IKZF2: variants seen among roughly 807,000 people sequenced by gnomAD.
IKZF2 encodes the protein zinc finger protein Helios.
In IKZF2, 15 loss-of-function variants were observed where a neutral mutation model predicts 49.2. The ratio of observed to expected loss-of-function variants is 0.30; its 90% confidence interval spans 0.20 to 0.47. The LOEUF (loss-of-function observed/expected upper bound fraction) is 0.47. Among genes scored for constraint, IKZF2 ranks in the 20% least tolerant of loss-of-function variants. The pLI, the probability that IKZF2 is intolerant of heterozygous loss-of-function variation, is 1.00. For missense variants in IKZF2, 567 were observed against 664.6 expected (o/e 0.85, Z 1.61); for synonymous variants, 227 against 221.4 (o/e 1.03, Z -0.23).
At chr2:213,150,295 C>CT in intron 1 of IKZF2, 48 bp from the exon 2 acceptor site, 1 of 715,166 alleles carries the variant, frequency 1.4e-6, no homozygotes, top group Non-Finnish European at 2.2e-6. Context: ...GTGTTTCCCC[C>CT]TTCTCTCTTT....
At position 213,063,387 on chromosome 2, in the gene IKZF2, C is replaced by T. The variant is rs557771735; in HGVS notation, c.140-6288G>A. Among the ~76,000 whole-genome samples the T allele has an allele frequency of 2.0e-5, 3 of 152,020 alleles. No homozygotes were observed. In the South Asian group the frequency reaches 6.2e-4, roughly 32 times the overall value. On this transcript the variant is annotated intron_variant, in intron 4 of 8. Coordinates refer to ENST00000434687, the MANE Select transcript of IKZF2 (RefSeq NM_001387220.1). The stretch of plus-strand genomic sequence containing the variant: ...TGAAGGCAGAAAACCAGGGTCTCTA[C>T]CACCTCTTCTGCCATTTAACTTGTT...
At chr2:213,069,422 C>A (rs917317792) in intron 4 of IKZF2, among the ~76,000 whole-genome samples, 2 of 152,104 alleles carry the variant, frequency 1.3e-5, no homozygotes, top group African/African-American at 4.8e-5. Context: ...TTCAGGAGCA[C>A]AAGAATTCCC....
rs1204833549 is a variant in IKZF2 at position 213,005,737 on chromosome 2, C to A, written c.*1623G>T. ...AGTTCTGCCTTCCAAGTATGTCCCC[C>A]TAAAATGACTTGAATCAATATCACT... is the stretch of plus-strand genomic sequence containing the variant. On this transcript the variant is annotated 3_prime_UTR_variant, in exon 9 of 9. Coordinates refer to ENST00000434687, the MANE Select transcript of IKZF2 (RefSeq NM_001387220.1). 6.6e-6 allele frequency: 1 copy of A among 152,036 alleles called. No individual in the cohort carries two copies. The highest frequency in any genetic ancestry group is 1.9e-4 in the East Asian group (1 of 5,164). The allele number at this position is 152,036 out of a possible 1,614,324, so 9.4% of individuals were successfully genotyped here.
Position 213,070,401 on chromosome 2 carries a change from A to G in IKZF2, c.140-13302T>C, listed in dbSNP as rs564028210. Reference sequence around the variant, plus strand: ...TAGAAAACTTAGCTTCTTCCTTTACATATTAAAACTCCTGTTACTACTTAC... The same window carrying G: ...TAGAAAACTTAGCTTCTTCCTTTACGTATTAAAACTCCTGTTACTACTTAC... On this transcript the variant is annotated intron_variant, in intron 4 of 8. Transcript: ENST00000434687. 1.2e-4 allele frequency among the ~76,000 whole-genome samples: 18 copies of G among 152,250 alleles called. No homozygotes were observed. In the South Asian group the frequency reaches 3.5e-3, roughly 30 times the overall value.
At chr2:213,009,913 T>A (rs1319732301) in intron 8 of IKZF2, among the ~76,000 whole-genome samples, 1 of 152,054 alleles carries the variant, frequency 6.6e-6, no homozygotes, top group Non-Finnish European at 1.5e-5. Flanking sequence ...AAAGGAGGAA[T>A]TACTTATACT....
chr2:213,101,761 A>C (rs2125706944), intron 4 of IKZF2, among the ~76,000 whole-genome samples: 1 of 152,326 alleles, frequency 6.6e-6, no homozygotes, highest in Non-Finnish European at 1.5e-5. Context: ...AATATAGTAC[A>C]GCTTGTTCCA....
intron 4 of IKZF2, among the ~76,000 whole-genome samples, chr2:213,068,354 C>T (rs534716590): frequency 5.2e-4 from 79 of 152,128 alleles, no homozygotes; most frequent in African/African-American, 1.8e-3. Context: ...ATCTATGTCA[C>T]CTGGAATTGT....
chr2:213,081,721 GA>G (rs1343301048), intron 4 of IKZF2, among the ~76,000 whole-genome samples: 2 of 152,156 alleles, frequency 1.3e-5, no homozygotes, highest in Non-Finnish European at 2.9e-5. Context: ...CAGTCATGGG[GA>G]AAGTGGGTTT....
intron 6 of IKZF2, among the ~76,000 whole-genome samples, chr2:213,031,015 G>A (rs562787105): frequency 6.5e-4 from 99 of 152,036 alleles, no homozygotes; most frequent in Middle Eastern, 6.8e-3. Context: ...TAGTAGAGAC[G>A]GGGTTTCACC....
At chr2:213,077,043 A>G (rs1356952084) in intron 4 of IKZF2, among the ~76,000 whole-genome samples, 1 of 152,258 alleles carries the variant, frequency 6.6e-6, no homozygotes, top group Non-Finnish European at 1.5e-5. Context: ...CAAGTTTACC[A>G]AAAGGACTGT....
intron 4 of IKZF2, among the ~76,000 whole-genome samples, chr2:213,124,290 A>T (rs979916380): frequency 1.4e-5 from 2 of 145,240 alleles, no homozygotes; most frequent in African/African-American, 2.5e-5. Context: ...ACACACACAC[A>T]CACACACAGC....
At chr2:213,073,702 T>A (rs1428044296) in intron 4 of IKZF2, among the ~76,000 whole-genome samples, 1 of 152,226 alleles carries the variant, frequency 6.6e-6, no homozygotes, top group African/African-American at 2.4e-5. Context: ...TAAAAACTTA[T>A]GAATAACATA....
At chr2:213,074,032 G>A (rs1702984992) in intron 4 of IKZF2, among the ~76,000 whole-genome samples, 1 of 152,020 alleles carries the variant, frequency 6.6e-6, no homozygotes, top group South Asian at 2.1e-4. Flanking sequence ...AATATCCAGA[G>A]CACTGATTTA....
chr2:213,021,694 G>T lies in IKZF2; in HGVS notation c.712+299C>A, dbSNP rs1035117640. ...AATTCATTCTTTTAGGCAGCCTACA[G>T]ACTAATGTGGAATCAGCTCTAACTA... On this transcript the variant is annotated intron_variant, in intron 7 of 8. Coordinates refer to ENST00000434687, the MANE Select transcript of IKZF2 (RefSeq NM_001387220.1). 9 of 480,646 alleles carry T rather than the reference G, an allele frequency of 1.9e-5. No homozygotes were observed. The Admixed American group carries it at 2.2e-4, about 12-fold the overall frequency. 29.8% of individuals were successfully genotyped at this position (480,646 alleles called of 1,614,324 possible). A position where few individuals can be genotyped will look rare whatever the true frequency, so the allele number is the denominator to read the frequency against.
intron 4 of IKZF2, among the ~76,000 whole-genome samples, chr2:213,141,406 C>T (rs1448529145): frequency 6.6e-6 from 1 of 151,908 alleles, no homozygotes; most frequent in Non-Finnish European, 1.5e-5. Context: ...AAAATAAAAG[C>T]CAAGTTTCCT....
intron 6 of IKZF2, among the ~76,000 whole-genome samples, chr2:213,031,500 TA>T (rs1188992348): frequency 1.3e-5 from 2 of 152,098 alleles, no homozygotes; most frequent in Non-Finnish European, 2.9e-5. Context: ...GGAAGAAAAA[TA>T]GTCACAATTC....
intron 6 of IKZF2, among the ~76,000 whole-genome samples, chr2:213,028,275 A>G (rs1698032774): frequency 2.6e-5 from 4 of 152,146 alleles, no homozygotes; most frequent in Admixed American, 2.6e-4. Context: ...CAACAGAGCA[A>G]GTCTTAGGAA....
intron 4 of IKZF2, among the ~76,000 whole-genome samples, chr2:213,082,145 G>A (rs758496497): frequency 6.6e-6 from 1 of 152,118 alleles, no homozygotes; most frequent in Non-Finnish European, 1.5e-5. Context: ...AATTTTTCTA[G>A]TTTTGTTCTA....
At chr2:213,151,973 C>T (rs1034397366), upstream of IKZF2, among the ~76,000 whole-genome samples, 4 of 151,720 alleles carry the variant, frequency 2.6e-5, no homozygotes, top group African/African-American at 9.7e-5. Context: ...GACGCGCGCA[C>T]TCCCTCGCGC....
Sources: allele counts gnomAD v4.1 joint callset (sites outside exome capture counted in the v4.1 genomes callset), GRCh38; gene constraint gnomAD v4.1.1; transcripts MANE v1.5; gene names NCBI Gene and HGNC (gene_info 2026-07-23, HGNC 2026-07-21).